TJP2: variants seen among roughly 807,000 people sequenced by gnomAD.
The protein encoded by TJP2 is tight junction protein 2.
Under a neutral mutation model 133.1 loss-of-function variants are expected in TJP2, and 91 were observed. The observed-to-expected ratio is 0.68, with a 90% CI of 0.58 to 0.81. The LOEUF (loss-of-function observed/expected upper bound fraction) is 0.81. TJP2 is among the 40% of genes least tolerant of loss of function. The pLI, the probability that TJP2 is intolerant of heterozygous loss-of-function variation, is 0.00. For synonymous variants in TJP2, 592 were observed against 583.4 expected, an observed-to-expected ratio of 1.01 and a Z score of -0.21; for missense variants, 1,541 against 1,565.6, an observed-to-expected ratio of 0.98 and a Z score of 0.26.
intron 1 of TJP2, among the ~76,000 whole-genome samples, chr9:69,149,194 G>A (rs1823354538): frequency 6.6e-6 from 1 of 152,190 alleles, no homozygotes; most frequent in African/African-American, 2.4e-5. Context: ...GATTATTATA[G>A]AGAAAGTTAA....
intron 17 of TJP2, among the ~76,000 whole-genome samples, chr9:69,243,654 C>T (rs530535046): frequency 6.6e-6 from 1 of 152,176 alleles, no homozygotes; most frequent in Admixed American, 6.5e-5. Context: ...TTTAGAGACC[C>T]AAGTGGGGCT....
intron 1 of TJP2, among the ~76,000 whole-genome samples, chr9:69,137,999 C>G (rs1822850738): frequency 6.6e-6 from 1 of 152,164 alleles, no homozygotes; most frequent in African/African-American, 2.4e-5. Context: ...TTCTCTCCCA[C>G]TTGGTTGGTC....
At chr9:69,153,034 G>A (rs1299251336) in intron 2 of TJP2, among the ~76,000 whole-genome samples, 1 of 151,102 alleles carries the variant, frequency 6.6e-6, no homozygotes, top group African/African-American at 2.4e-5. Context: ...AACCAGCCTA[G>A]GCAACATAGT....
In TJP2 at chr9:69,248,091, G is replaced by T; in HGVS notation, c.2747G>T (p.Ser916Ile). 1 of 1,614,156 alleles carries T rather than the reference G, an allele frequency of 6.2e-7. No homozygotes were observed. Among genetic ancestry groups the T allele is most frequent in the Non-Finnish European group, 8.5e-7 (1 of 1,180,028 alleles). Residue 916 changes from serine (S) to isoleucine (I), a missense_variant, in exon 19 of 23, where the codon AGC becomes ATC. Coordinates refer to ENST00000377245, the MANE Select transcript of TJP2 (RefSeq NM_004817.4). ...GGCGCGGACTATCTGAGTTGCGACA[G>T]CCGCCTCATCAGTGACTTTGAAGAC... is the stretch of plus-strand genomic sequence containing the variant. Reference protein sequence around the residue: ...AMGADYLSCDSRLISDFEDTD... With the variant: ...AMGADYLSCDIRLISDFEDTD...
intron 1 of TJP2, among the ~76,000 whole-genome samples, chr9:69,150,225 TC>T (rs1823404016): frequency 6.6e-6 from 1 of 152,172 alleles, no homozygotes; most frequent in South Asian, 2.1e-4. Flanking sequence ...AAATGTTTTC[TC>T]TGTAGTATAC....
In TJP2 at chr9:69,223,190, C is replaced by T. The variant is rs116838808; in HGVS notation, c.952+1694C>T. ...AAAACCACAGTGGAGGACAGTACTC[C>T]GCCTAATCATTGTTGAGTTTCTGCT... On this transcript the variant is annotated intron_variant, in intron 5 of 22. Transcript: ENST00000377245. 7.8e-3 allele frequency among the ~76,000 whole-genome samples: 1,194 copies of T among 152,254 alleles called. 8 individuals are homozygous for T. The highest frequency in any genetic ancestry group is 0.027 in the African/African-American group (1,129 of 41,536).
chr9:69,248,304 G>A (rs769729938), intron 19 of TJP2, 80 bp downstream of exon 19: 10 of 1,502,304 alleles, frequency 6.7e-6, no homozygotes, highest in South Asian at 1.3e-5. Context: ...GTGTGTTCAG[G>A]GTGCTGTGGA....
rs1485976078 is a variant in TJP2 at position 69,237,898 on chromosome 9, G to C, written c.2200G>C (p.Val734Leu). 6.2e-7 allele frequency: 1 copy of C among 1,613,788 alleles called. No homozygotes were observed. Among genetic ancestry groups the C allele is most frequent in the Non-Finnish European group, 8.5e-7 (1 of 1,179,808 alleles). The change falls in exon 15 of 23, where the codon GTC becomes CTC. Residue 734 changes from valine (V) to leucine (L), a missense_variant. Coordinates refer to ENST00000377245, the MANE Select transcript of TJP2 (RefSeq NM_004817.4). ...TTCAGCTGGTTTCAAGAGACCTGTG[G>C]TCTTATTCGGCCCCATAGCTGATAT... is the stretch of plus-strand genomic sequence containing the variant. ...LREAGFKRPV[V>L]LFGPIADIAM...
intron 2 of TJP2, among the ~76,000 whole-genome samples, chr9:69,165,395 C>A (rs541492200): frequency 1.3e-5 from 2 of 152,160 alleles, no homozygotes; most frequent in African/African-American, 4.8e-5. Context: ...ACCTTGGTCT[C>A]CCAAAGTGCT....
intron 1 of TJP2, among the ~76,000 whole-genome samples, chr9:69,211,284 T>G (rs1319845279): frequency 6.6e-6 from 1 of 152,052 alleles, no homozygotes; most frequent in Non-Finnish European, 1.5e-5. Flanking sequence ...TTGCAGTGAG[T>G]GAAGATCACG....
At chr9:69,207,831 C>T (rs1563910019) in intron 1 of TJP2, among the ~76,000 whole-genome samples, 1 of 150,704 alleles carries the variant, frequency 6.6e-6, no homozygotes, top group South Asian at 2.1e-4. Context: ...GCAGCCTGTG[C>T]CCAGGGATGT....
Position 69,121,496 on chromosome 9 carries a change from A to G in TJP2, c.-360A>G, listed in dbSNP as rs191761356. ...AACCTCTAAACAGGAAATAGCCCGA[A>G]TCACAATAATATACGGGAGCAGCCG... On this transcript the variant is annotated 5_prime_UTR_variant, in exon 1 of 6. Transcript: ENST00000423935. 5.8e-4 allele frequency: 188 copies of G among 323,332 alleles called. 1 individual carries two copies. Among genetic ancestry groups the G allele is most frequent in the African/African-American group, 4.1e-3 (182 of 44,466 alleles). The allele number at this position is 323,332 out of a possible 1,614,324, so 20.0% of individuals were successfully genotyped here.
At chr9:69,154,960 G>A (rs1252739612) in intron 2 of TJP2, among the ~76,000 whole-genome samples, 1 of 152,050 alleles carries the variant, frequency 6.6e-6, no homozygotes, top group African/African-American at 2.4e-5. Flanking sequence ...GCTCACGCCT[G>A]TAATCCTAGC....
In TJP2 at chr9:69,225,213, T is replaced by G. The variant is rs1003947316; in HGVS notation, c.953-91T>G. 10 of 843,574 alleles carry G rather than the reference T, an allele frequency of 1.2e-5. No homozygotes were observed. The African/African-American group carries it at 1.7e-4, about 14-fold the overall frequency. 52.3% of individuals were successfully genotyped at this position (843,574 alleles called of 1,614,324 possible). A position where few individuals can be genotyped will look rare whatever the true frequency, so the allele number is the denominator to read the frequency against. ...TTTCCCATATACAAAATTAACTTTT[T>G]AATACATATTTTAAAATAGTCCTAT... On this transcript the variant is annotated intron_variant, in intron 5 of 22. Transcript: ENST00000377245.
intron 2 of TJP2, among the ~76,000 whole-genome samples, chr9:69,214,364 G>T (rs1003127362): frequency 2.0e-5 from 3 of 152,148 alleles, no homozygotes; most frequent in African/African-American, 7.2e-5. Flanking sequence ...GGGATTACAG[G>T]TGTGAGCCAC....
At chr9:69,229,283 C>G in intron 10 of TJP2, 33 bp downstream of exon 10, 2 of 1,593,630 alleles carry the variant, frequency 1.3e-6, no homozygotes, top group Non-Finnish European at 1.7e-6. Context: ...GTTTTCCCTT[C>G]TTCCTTACAG....
At chr9:69,155,100 A>G (rs1441950928) in intron 2 of TJP2, among the ~76,000 whole-genome samples, 6 of 151,162 alleles carry the variant, frequency 4.0e-5, no homozygotes, top group Admixed American at 2.6e-4. Context: ...CACCTACAAT[A>G]CCAGCTACTC....
intron 2 of TJP2, among the ~76,000 whole-genome samples, chr9:69,160,812 G>T (rs1824027744): frequency 6.6e-6 from 1 of 152,186 alleles, no homozygotes; most frequent in African/African-American, 2.4e-5. Context: ...GAGAGCTTGT[G>T]CAGGGAAACT....
chr9:69,158,185 G>A (rs1005793714), intron 2 of TJP2, among the ~76,000 whole-genome samples: 3 of 151,922 alleles, frequency 2.0e-5, no homozygotes, highest in Non-Finnish European at 4.4e-5. Context: ...CGGGCATGGT[G>A]GTGCACGCCT....
Sources: gnomAD v4.1 joint callset for allele counts (sites outside exome capture counted in the v4.1 genomes callset) on GRCh38, gnomAD v4.1.1 for gene constraint, MANE v1.5 for transcripts, NCBI Gene and HGNC (gene_info 2026-07-23, HGNC 2026-07-21) for gene names.